The following PCDH15 variants were observed in gnomAD, a reference collection of about 807,000 sequenced individuals.
PCDH15 encodes the protein protocadherin-15.
In PCDH15, 129 loss-of-function variants were observed where a neutral mutation model predicts 178.5. That is an observed-to-expected ratio of 0.72 (90% CI 0.63 to 0.84). The LOEUF is 0.84. Ranked by LOEUF, PCDH15 falls within the 40% of genes least tolerant of loss-of-function variation. PCDH15 has a pLI of 0.00. For missense variants in PCDH15, 2,230 were observed against 2,099.9 expected (o/e 1.06, Z -1.21); for synonymous variants, 800 against 732.0 (o/e 1.09, Z -1.50).
intron 1 of PCDH15, among the ~76,000 whole-genome samples, chr10:55,273,445 T>C (rs1041432934): frequency 1.2e-4 from 18 of 152,088 alleles, no homozygotes; most frequent in African/African-American, 4.3e-4. Context: ...TAAGAAGCTA[T>C]TATCTCCTAT....
At chr10:54,540,794 A>C (rs1268862999) in intron 2 of PCDH15, among the ~76,000 whole-genome samples, 1 of 152,172 alleles carries the variant, frequency 6.6e-6, no homozygotes, top group Non-Finnish European at 1.5e-5. Context: ...GCTGCACATA[A>C]AAAACTTAAT....
At chr10:55,164,267 A>G (rs1299009502) in intron 2 of PCDH15, among the ~76,000 whole-genome samples, 2 of 152,110 alleles carry the variant, frequency 1.3e-5, no homozygotes, top group Admixed American at 1.3e-4. Context: ...AGTCAGTGGT[A>G]TAACTGGGTT....
At chr10:55,005,953 T>C (rs1467843343) in intron 2 of PCDH15, among the ~76,000 whole-genome samples, 1 of 151,838 alleles carries the variant, frequency 6.6e-6, no homozygotes, top group African/African-American at 2.4e-5. Context: ...CTTATTCTAT[T>C]TTTATTTTAA....
At chr10:54,462,511 TC>T (rs1411335922) in intron 3 of PCDH15, among the ~76,000 whole-genome samples, 8,352 of 106,618 alleles carry the variant, frequency 0.078, 350 homozygotes, top group East Asian at 0.13. Context: ...CTTTTTCTTT[TC>T]TTTTTTTTTT....
At chr10:55,434,611 A>AT (rs5785130) in intron 2 of PCDH15, among the ~76,000 whole-genome samples, 110,984 of 148,330 alleles carry the variant, frequency 0.75, 42,293 homozygotes, top group East Asian at 0.97. Flanking sequence ...CATGACATTA[A>AT]TTTTTTTTTT....
At chr10:54,064,013 A>C (rs531037633) in intron 18 of PCDH15, among the ~76,000 whole-genome samples, 1 of 152,254 alleles carries the variant, frequency 6.6e-6, no homozygotes, top group South Asian at 2.1e-4. Flanking sequence ...CATTCCTGCC[A>C]TTTGGTGGGT....
chr10:54,114,894 C>T (rs1421918912), intron 15 of PCDH15, among the ~76,000 whole-genome samples: 1 of 152,088 alleles, frequency 6.6e-6, no homozygotes, highest in Non-Finnish European at 1.5e-5. Context: ...GGTCAGGTAG[C>T]TATCAGTACA....
At chr10:54,629,377 C>T (rs2093640775) in intron 2 of PCDH15, among the ~76,000 whole-genome samples, 1 of 152,056 alleles carries the variant, frequency 6.6e-6, no homozygotes. Context: ...TCCAGAAGCA[C>T]ATGAAAAAGT....
chr10:54,353,306 T>C (rs1245730648), intron 5 of PCDH15, among the ~76,000 whole-genome samples: 1 of 152,176 alleles, frequency 6.6e-6, no homozygotes, highest in African/African-American at 2.4e-5. Context: ...GCAAGTTATC[T>C]TGTAATGATT....
At chr10:55,000,010 G>A (rs1017645090) in intron 2 of PCDH15, among the ~76,000 whole-genome samples, 18 of 152,184 alleles carry the variant, frequency 1.2e-4, no homozygotes, top group African/African-American at 4.1e-4. Context: ...AATGGAGGCA[G>A]GGCGAGATCA....
intron 2 of PCDH15, among the ~76,000 whole-genome samples, chr10:54,645,844 A>G (rs2094118996): frequency 6.6e-6 from 1 of 152,180 alleles, no homozygotes; most frequent in Admixed American, 6.5e-5. Context: ...TATATGCCAG[A>G]AATATACTAC....
At chr10:55,170,258 T>C (rs1232516399) in intron 1 of PCDH15, among the ~76,000 whole-genome samples, 1 of 152,022 alleles carries the variant, frequency 6.6e-6, no homozygotes, top group Non-Finnish European at 1.5e-5. Context: ...CAAGCAATCC[T>C]CCTGCCTCAG....
At position 54,552,789 on chromosome 10, in the gene PCDH15, G is replaced by C. The variant is rs546076921; in HGVS notation, c.92-24912C>G. 1.2e-3 allele frequency among the ~76,000 whole-genome samples: 187 copies of C among 152,112 alleles called. 1 individual carries two copies. The highest frequency in any genetic ancestry group is 3.4e-3 in the Middle Eastern group (1 of 294). On this transcript the variant is annotated intron_variant, in intron 2 of 37. Coordinates refer to ENST00000644397, the MANE Select transcript of PCDH15 (RefSeq NM_001384140.1). Reference sequence around the variant, plus strand: ...TAATAATTTGTGTCAACATTACTCTGGTAAGAGTTCATGGCAATGACTTGT... The same window carrying C: ...TAATAATTTGTGTCAACATTACTCTCGTAAGAGTTCATGGCAATGACTTGT...
chr10:54,688,216 T>C (rs2095050266), intron 1 of PCDH15, among the ~76,000 whole-genome samples: 1 of 152,076 alleles, frequency 6.6e-6, no homozygotes, highest in East Asian at 1.9e-4. Flanking sequence ...ATGGGAGTGG[T>C]AAAAATTGAA....
chr10:54,086,953 G>T (rs1239586900), intron 16 of PCDH15, among the ~76,000 whole-genome samples: 1 of 152,150 alleles, frequency 6.6e-6, no homozygotes, highest in Non-Finnish European at 1.5e-5. Context: ...GATGAGAGGA[G>T]CACTAGAGAT....
At chr10:55,251,445 T>C (rs543125187) in intron 1 of PCDH15, among the ~76,000 whole-genome samples, 144 of 152,278 alleles carry the variant, frequency 9.5e-4, no homozygotes, top group Non-Finnish European at 1.7e-3. Context: ...AAGAATGCTA[T>C]AGGAAATAAT....
chr10:54,065,198 A>G (rs1382715611), intron 18 of PCDH15, among the ~76,000 whole-genome samples: 1 of 152,206 alleles, frequency 6.6e-6, no homozygotes, highest in Non-Finnish European at 1.5e-5. Context: ...GATTTAGTGT[A>G]TATGTTTTCC....
At chr10:55,323,455 G>A (rs530752797), upstream of PCDH15, among the ~76,000 whole-genome samples, 2 of 152,270 alleles carry the variant, frequency 1.3e-5, no homozygotes, top group African/African-American at 4.8e-5. Flanking sequence ...GCCTGGAGGA[G>A]GGCTATACCC....
At chr10:55,482,613 T>A (rs1004476168) in intron 2 of PCDH15, among the ~76,000 whole-genome samples, 3 of 151,710 alleles carry the variant, frequency 2.0e-5, no homozygotes, top group Non-Finnish European at 2.9e-5. Flanking sequence ...TGGATTGGAA[T>A]TTTTTTCCTT....
Sources: allele counts gnomAD v4.1 joint callset (sites outside exome capture counted in the v4.1 genomes callset), GRCh38; gene constraint gnomAD v4.1.1; transcripts MANE v1.5; gene names NCBI Gene and HGNC (gene_info 2026-07-23, HGNC 2026-07-21).